The following APBA1 variants were observed in gnomAD, a reference collection of about 807,000 sequenced individuals.
APBA1 encodes the protein amyloid beta precursor protein binding family A member 1.
APBA1 carries 55 observed loss-of-function variants against 86.6 expected under a neutral mutation model. The ratio of observed to expected loss-of-function variants is 0.64; its 90% CI spans 0.51 to 0.80. APBA1 has a LOEUF of 0.80. APBA1 is among the 30% of genes least tolerant of loss of function. The pLI is 0.00. For missense variants in APBA1, 1,090 were observed against 1,183.0 expected (o/e 0.92, Z 1.15); for synonymous variants, 511 against 493.9 (o/e 1.03, Z -0.46).
chr9:69,588,843 C>A (rs1354186951), intron 1 of APBA1, among the ~76,000 whole-genome samples: 1 of 152,232 alleles, frequency 6.6e-6, no homozygotes, highest in Admixed American at 6.5e-5. Flanking sequence ...CTCATACTTC[C>A]TTGCCAACAT....
chr9:69,471,648 G>C lies in APBA1; in HGVS notation c.1336+8C>G. On this transcript the variant is annotated splice_region_variant and intron_variant, in intron 4 of 12. Transcript: ENST00000265381. ...CTCAGTGCTCAGTATTTTCTTTTCA[G>C]CTCTTACCTTCAACGTAGGTTGGGA... The C allele has an allele frequency of 6.2e-7, 1 of 1,612,016 alleles. No individual in the cohort carries two copies.
At chr9:69,566,911 C>T (rs569927246) in intron 1 of APBA1, among the ~76,000 whole-genome samples, 1 of 152,084 alleles carries the variant, frequency 6.6e-6, no homozygotes, top group South Asian at 2.1e-4. Flanking sequence ...TCGGCCTCAC[C>T]CTACTTGTGT....
chr9:69,615,985 A>G (rs1013382281), intron 1 of APBA1, among the ~76,000 whole-genome samples: 1 of 152,214 alleles, frequency 6.6e-6, no homozygotes, highest in African/African-American at 2.4e-5. Context: ...CCTAGATGTC[A>G]GAACAAGACC....
At chr9:69,598,452 A>T (rs1017726332) in intron 1 of APBA1, among the ~76,000 whole-genome samples, 5 of 120,140 alleles carry the variant, frequency 4.2e-5, no homozygotes, top group Non-Finnish European at 5.9e-5. Flanking sequence ...AAAAAAATTA[A>T]AAAAAAAAAA....
At chr9:69,667,721 A>G (rs2150047) in intron 1 of APBA1, among the ~76,000 whole-genome samples, 1 of 151,204 alleles carries the variant, frequency 6.6e-6, no homozygotes, top group African/African-American at 2.4e-5. Context: ...CTTTCCCTCT[A>G]CTACACCATT....
intron 1 of APBA1, among the ~76,000 whole-genome samples, chr9:69,584,153 T>C (rs142161395): frequency 1.3e-5 from 2 of 152,344 alleles, no homozygotes; most frequent in African/African-American, 4.8e-5. Flanking sequence ...AAAGAAAATA[T>C]TGATTAATCC....
At chr9:69,440,696 C>G (rs1834803673) in intron 11 of APBA1, among the ~76,000 whole-genome samples, 1 of 152,146 alleles carries the variant, frequency 6.6e-6, no homozygotes, top group Non-Finnish European at 1.5e-5. Flanking sequence ...CTTTCTTTGA[C>G]TAGGAAAGGG....
At chr9:69,563,838 C>G (rs1253611210) in intron 1 of APBA1, among the ~76,000 whole-genome samples, 1 of 152,144 alleles carries the variant, frequency 6.6e-6, no homozygotes, top group Non-Finnish European at 1.5e-5. Flanking sequence ...TTCCATAGCA[C>G]TCACTGACTT....
intron 1 of APBA1, among the ~76,000 whole-genome samples, chr9:69,592,741 G>T (rs1327509659): frequency 2.6e-5 from 4 of 152,142 alleles, no homozygotes; most frequent in Non-Finnish European, 5.9e-5. Flanking sequence ...CACCGTGATT[G>T]TAAGTTTCCT....
chr9:69,538,284 T>C (rs1399314503), intron 1 of APBA1, among the ~76,000 whole-genome samples: 1 of 152,228 alleles, frequency 6.6e-6, no homozygotes, highest in Non-Finnish European at 1.5e-5. Context: ...CTAAAATGCC[T>C]GCACACATTT....
chr9:69,622,691 G>A (rs954695765), intron 1 of APBA1, among the ~76,000 whole-genome samples: 3 of 152,106 alleles, frequency 2.0e-5, no homozygotes, highest in South Asian at 2.1e-4. Flanking sequence ...TCACCCTCAC[G>A]TCATCTATGT....
intron 2 of APBA1, among the ~76,000 whole-genome samples, chr9:69,495,995 C>G (rs915864603): frequency 6.6e-6 from 1 of 152,152 alleles, no homozygotes; most frequent in Non-Finnish European, 1.5e-5. Context: ...CAGAAAAGGG[C>G]TGCCTCCAGG....
intron 1 of APBA1, among the ~76,000 whole-genome samples, chr9:69,518,449 A>T (rs1243546945): frequency 6.6e-6 from 1 of 152,200 alleles, no homozygotes; most frequent in African/African-American, 2.4e-5. Flanking sequence ...GTAATTTTTT[A>T]AAAATATGGG....
chr9:69,661,832 G>C (rs1010947846), intron 1 of APBA1, among the ~76,000 whole-genome samples: 1 of 151,720 alleles, frequency 6.6e-6, no homozygotes, highest in African/African-American at 2.4e-5. Flanking sequence ...TTATCTCTTC[G>C]CACACACTCG....
At chr9:69,529,658 C>A (rs1169116701) in intron 1 of APBA1, among the ~76,000 whole-genome samples, 1 of 152,116 alleles carries the variant, frequency 6.6e-6, no homozygotes, top group Non-Finnish European at 1.5e-5. Context: ...TGAAGATCCA[C>A]AACCTTTCAG....
chr9:69,460,627 G>T (rs188407792), intron 5 of APBA1: 2 of 151,908 alleles, frequency 1.3e-5, no homozygotes, highest in East Asian at 3.9e-4. Flanking sequence ...AAAGGAAATA[G>T]GTTCCACCAT....
Position 69,428,360 on chromosome 9 carries a change from G to C in APBA1, c.*2967C>G, listed in dbSNP as rs1442413431. ...TAGGAGCCTGCTCTGGCGAGGGAAG[G>C]TGTCGCTGGAGAAGTGGGCTCCAGG... On this transcript the variant is annotated 3_prime_UTR_variant, in exon 13 of 13. Coordinates refer to ENST00000265381, the MANE Select transcript of APBA1 (RefSeq NM_001163.4). 6.6e-6 allele frequency: 1 copy of C among 152,332 alleles called. No homozygotes were observed. Among genetic ancestry groups the C allele is most frequent in the Non-Finnish European group, 1.5e-5 (1 of 68,132 alleles). The allele number at this position is 152,332 out of a possible 1,614,324, so 9.4% of individuals were successfully genotyped here.
chr9:69,601,996 A>G (rs1256692050), intron 1 of APBA1, among the ~76,000 whole-genome samples: 1 of 152,240 alleles, frequency 6.6e-6, no homozygotes, highest in Non-Finnish European at 1.5e-5. Flanking sequence ...GCTTTGAGAG[A>G]AACATTTACT....
chr9:69,469,059 C>T (rs923615471), intron 4 of APBA1, among the ~76,000 whole-genome samples: 2 of 151,960 alleles, frequency 1.3e-5, no homozygotes, highest in African/African-American at 4.8e-5. Flanking sequence ...TGGGGTTTTG[C>T]CATGTTGCCC....
Sources: gnomAD v4.1 joint callset for allele counts (sites outside exome capture counted in the v4.1 genomes callset) on GRCh38, gnomAD v4.1.1 for gene constraint, MANE v1.5 for transcripts, NCBI Gene and HGNC (gene_info 2026-07-23, HGNC 2026-07-21) for gene names.